ENTREP2: variants seen among roughly 807,000 people sequenced by gnomAD.
The protein encoded by ENTREP2 is endosomal transmembrane epsin interactor 2.
the ENTREP2 span, among the ~76,000 whole-genome samples, chr15:29,471,138 G>A: frequency 6.6e-6 from 1 of 152,212 alleles, no homozygotes; most frequent in African/African-American, 2.4e-5. Context: ...ATGGTCCTGG[G>A]TGGGGAGTTG....
At chr15:29,417,811 T>C in the ENTREP2 span, among the ~76,000 whole-genome samples, 7 of 152,170 alleles carry the variant, frequency 4.6e-5, no homozygotes, top group Non-Finnish European at 7.3e-5. Flanking sequence ...GTCTGAAAAG[T>C]ATAGTTATGA....
At chr15:29,303,595 A>AT in the ENTREP2 span, among the ~76,000 whole-genome samples, 3 of 152,024 alleles carry the variant, frequency 2.0e-5, no homozygotes, top group Non-Finnish European at 4.4e-5. Context: ...CACCCAGGTG[A>AT]TTAAGCACAG....
chr15:29,244,868 A>G, the ENTREP2 span, among the ~76,000 whole-genome samples: 1 of 152,222 alleles, frequency 6.6e-6, no homozygotes, highest in Non-Finnish European at 1.5e-5. Context: ...TCTCAGCAGC[A>G]TGCTTGGTGG....
chr15:29,291,644 C>T, the ENTREP2 span, among the ~76,000 whole-genome samples: 8 of 152,232 alleles, frequency 5.3e-5, no homozygotes, highest in Non-Finnish European at 1.0e-4. Context: ...CAATGATACA[C>T]TTCTCGTGCT....
At chr15:29,170,856 G>A in the ENTREP2 span, among the ~76,000 whole-genome samples, 68 of 152,300 alleles carry the variant, frequency 4.5e-4, 1 homozygote, top group African/African-American at 1.5e-3. Flanking sequence ...ACCTGTCTTA[G>A]TCTATTTTCT....
the ENTREP2 span, among the ~76,000 whole-genome samples, chr15:29,583,007 A>G: frequency 1.3e-5 from 2 of 152,180 alleles, no homozygotes; most frequent in Non-Finnish European, 2.9e-5. Flanking sequence ...GTACCAGACA[A>G]TATCAAACCA....
At chr15:29,548,417 T>C in the ENTREP2 span, among the ~76,000 whole-genome samples, 1 of 142,274 alleles carries the variant, frequency 7.0e-6, no homozygotes, top group Admixed American at 7.2e-5. Context: ...ATCATGCCAC[T>C]GCACTCCAGC....
chr15:29,519,700 G>A, the ENTREP2 span, among the ~76,000 whole-genome samples: 10 of 152,196 alleles, frequency 6.6e-5, no homozygotes, highest in Non-Finnish European at 1.3e-4. Context: ...AGTTATACAT[G>A]GATTTCTGAC....
chr15:29,465,064 T>TCTAAAG, the ENTREP2 span, among the ~76,000 whole-genome samples: 2 of 152,002 alleles, frequency 1.3e-5, no homozygotes, highest in African/African-American at 4.8e-5. Context: ...CCCCTTCACC[T>TCTAAAG]GAGGCAGTGA....
the ENTREP2 span, among the ~76,000 whole-genome samples, chr15:29,221,620 G>C: frequency 2.0e-5 from 3 of 152,158 alleles, no homozygotes; most frequent in African/African-American, 7.2e-5. Context: ...GAATAAGTTA[G>C]AGATTCCTCC....
the ENTREP2 span, among the ~76,000 whole-genome samples, chr15:29,214,224 A>G: frequency 6.6e-6 from 1 of 152,324 alleles, no homozygotes; most frequent in Admixed American, 6.5e-5. Context: ...ATGCTGCTAT[A>G]AAGACACATG....
the ENTREP2 span, among the ~76,000 whole-genome samples, chr15:29,246,785 A>G: frequency 6.6e-6 from 1 of 152,184 alleles, no homozygotes; most frequent in African/African-American, 2.4e-5. Context: ...AGGGGTGGTT[A>G]TATGAATTAT....
the ENTREP2 span, among the ~76,000 whole-genome samples, chr15:29,644,690 C>A: frequency 3.3e-5 from 5 of 151,490 alleles, no homozygotes; most frequent in African/African-American, 1.2e-4. Flanking sequence ...GTAGTCCCAG[C>A]TACTCGGGAA....
the ENTREP2 span, among the ~76,000 whole-genome samples, chr15:29,645,340 T>A: frequency 0.019 from 2,943 of 152,130 alleles, 86 homozygotes; most frequent in African/African-American, 0.067. Context: ...GTGTCCAGCA[T>A]CAAAGGAGGA....
the ENTREP2 span, among the ~76,000 whole-genome samples, chr15:29,573,878 T>A: frequency 6.6e-6 from 1 of 152,218 alleles, no homozygotes; most frequent in African/African-American, 2.4e-5. Context: ...TTACAGAATT[T>A]TTTAATCCTG....
the ENTREP2 span, among the ~76,000 whole-genome samples, chr15:29,312,830 T>C: frequency 6.6e-6 from 1 of 152,208 alleles, no homozygotes; most frequent in Non-Finnish European, 1.5e-5. Context: ...CACACGTTTC[T>C]CATTTTAAAT....
chr15:29,390,600 A>C, the ENTREP2 span, among the ~76,000 whole-genome samples: 1 of 152,202 alleles, frequency 6.6e-6, no homozygotes, highest in Admixed American at 6.5e-5. Context: ...CCTGCTGTTG[A>C]GGCTGATGAC....
chr15:29,309,877 T>TG, the ENTREP2 span, among the ~76,000 whole-genome samples: 1 of 152,026 alleles, frequency 6.6e-6, no homozygotes, highest in African/African-American at 2.4e-5. Flanking sequence ...TGCCTGTGCT[T>TG]GAAGCCTGGC....
the ENTREP2 span, among the ~76,000 whole-genome samples, chr15:29,444,226 G>GAAAGA: frequency 1.5e-4 from 22 of 148,654 alleles, no homozygotes; most frequent in African/African-American, 4.8e-4. Flanking sequence ...AAGAAAGAAA[G>GAAAGA]AAAGAAAGAA....
Sources: gnomAD v4.1 joint callset for allele counts (sites outside exome capture counted in the v4.1 genomes callset) on GRCh38, gnomAD v4.1.1 for gene constraint, MANE v1.5 for transcripts, NCBI Gene and HGNC (gene_info 2026-07-23, HGNC 2026-07-21) for gene names.